Variants in WDR72 observed in about 807,000 individuals in gnomAD.
WDR72 encodes WD repeat-containing protein 72.
A neutral mutation model predicts 124.2 loss-of-function variants in WDR72; 120 were observed. That is an observed-to-expected ratio of 0.97 (90% CI 0.83 to 1.12). The LOEUF (loss-of-function observed/expected upper bound fraction) is 1.12. WDR72 is among the 50% of genes most tolerant of loss of function. The probability of loss-of-function intolerance (pLI) is 0.00; values close to 1 mark genes in which losing one functional copy is unlikely to be tolerated. For missense variants in WDR72, 1,387 were observed against 1,278.8 expected (o/e 1.08, Z -1.29); for synonymous variants, 452 against 441.7 (o/e 1.02, Z -0.29).
intron 18 of WDR72, among the ~76,000 whole-genome samples, chr15:53,593,260 A>G (rs2012597263): frequency 6.6e-6 from 1 of 152,120 alleles, no homozygotes; most frequent in Admixed American, 6.6e-5. Context: ...ATCACTTAGC[A>G]AATTATTTGA....
In WDR72 at chr15:53,712,838, G is replaced by A. The variant is rs1458478632; in HGVS notation, c.645C>T (p.Cys215=). The change falls in exon 7 of 20, where the codon TGC becomes TGT. Residue 215 remains cysteine, a synonymous_variant. Transcript: ENST00000360509. ...TATATGTGCAAAATCGAATTGTCTGGCAGTTCAAGGACTCAAGAAACTTGG... is the reference window on the plus strand; with the variant it reads ...TATATGTGCAAAATCGAATTGTCTGACAGTTCAAGGACTCAAGAAACTTGG... ...KESKFLESLN[C]QTIRFCTYTE... is the part of the protein sequence containing the mutation. The A allele has an allele frequency of 6.2e-7, 1 of 1,613,722 alleles. No individual in the cohort carries two copies.
chr15:53,755,506 T>G (rs1288243410), intron 1 of WDR72, among the ~76,000 whole-genome samples: 2 of 152,218 alleles, frequency 1.3e-5, no homozygotes, highest in Non-Finnish European at 2.9e-5. Context: ...TTTTGCACAT[T>G]TAAGAAAGAG....
intron 13 of WDR72, among the ~76,000 whole-genome samples, chr15:53,694,653 G>C (rs2016947301): frequency 6.6e-6 from 1 of 152,150 alleles, no homozygotes; most frequent in African/African-American, 2.4e-5. Context: ...GAACACACCA[G>C]AATGGAAGAA....
intron 3 of WDR72, among the ~76,000 whole-genome samples, chr15:53,719,463 T>G (rs146616992): frequency 6.6e-6 from 1 of 152,324 alleles, no homozygotes; most frequent in South Asian, 2.1e-4. Flanking sequence ...ACTTCAGCTC[T>G]ATATTTCTAT....
intron 14 of WDR72, among the ~76,000 whole-genome samples, chr15:53,639,078 T>C (rs77814610): frequency 0.014 from 2,157 of 152,278 alleles, 47 homozygotes; most frequent in African/African-American, 0.049. Context: ...TTTCTTGTAA[T>C]GGCAACATTC....
intron 13 of WDR72, among the ~76,000 whole-genome samples, chr15:53,671,026 T>G (rs1446382629): frequency 1.3e-5 from 2 of 152,194 alleles, no homozygotes; most frequent in South Asian, 4.1e-4. Context: ...ATATTTGACT[T>G]ATTTTTTAAT....
At chr15:53,741,285 A>T (rs2018501958) in intron 1 of WDR72, among the ~76,000 whole-genome samples, 2 of 152,228 alleles carry the variant, frequency 1.3e-5, no homozygotes, top group Admixed American at 1.3e-4. Context: ...CACAGGTTAA[A>T]AACCTTTATA....
At chr15:53,555,319 G>A (rs964177374) in intron 18 of WDR72, among the ~76,000 whole-genome samples, 18 of 151,966 alleles carry the variant, frequency 1.2e-4, no homozygotes, top group Non-Finnish European at 2.1e-4. Context: ...GCGGACCCAC[G>A]AAAGACTTCA....
intron 18 of WDR72, among the ~76,000 whole-genome samples, chr15:53,595,254 T>C (rs2012716972): frequency 6.6e-6 from 1 of 151,776 alleles, no homozygotes; most frequent in Non-Finnish European, 1.5e-5. Context: ...CCAAATGTCT[T>C]TAGTCATAGT....
intron 13 of WDR72, among the ~76,000 whole-genome samples, chr15:53,691,669 AGATAG>A (rs2016849362): frequency 2.7e-5 from 3 of 110,688 alleles, no homozygotes; most frequent in Non-Finnish European, 3.9e-5. Context: ...ATAGATAGAT[AGATAG>A]ATGTTTAACA....
intron 4 of WDR72, among the ~76,000 whole-genome samples, chr15:53,716,299 A>T (rs563201768): frequency 6.6e-6 from 1 of 152,340 alleles, no homozygotes; most frequent in South Asian, 2.1e-4. Context: ...ATTAAAACTG[A>T]ATTTTTACAC....
chr15:53,643,153 A>G (rs1387258456), intron 14 of WDR72, among the ~76,000 whole-genome samples: 1 of 152,130 alleles, frequency 6.6e-6, no homozygotes, highest in Non-Finnish European at 1.5e-5. Flanking sequence ...TCCAGTGCTA[A>G]AATTATTTCA....
chr15:53,573,198 T>C (rs1258368182), intron 18 of WDR72, among the ~76,000 whole-genome samples: 1 of 152,222 alleles, frequency 6.6e-6, no homozygotes, highest in African/African-American at 2.4e-5. Context: ...TTTGTCCAAA[T>C]GACCTCCCTA....
intron 14 of WDR72, among the ~76,000 whole-genome samples, chr15:53,623,498 C>T (rs571505198): frequency 7.1e-4 from 103 of 145,142 alleles, no homozygotes; most frequent in African/African-American, 2.6e-3. Context: ...TATATATACA[C>T]ACATACACAT....
chr15:53,540,479 T>C (rs558014184), intron 18 of WDR72, among the ~76,000 whole-genome samples: 1 of 148,650 alleles, frequency 6.7e-6, no homozygotes, highest in South Asian at 2.1e-4. Context: ...ACTAAATAAT[T>C]CAGCTCAAAA....
intron 18 of WDR72, among the ~76,000 whole-genome samples, chr15:53,559,527 G>T (rs1894056120): frequency 6.6e-6 from 1 of 152,006 alleles, no homozygotes; most frequent in Non-Finnish European, 1.5e-5. Flanking sequence ...TTCAAAGTGA[G>T]AAGTTATTCA....
chr15:53,600,639 C>G (rs2013002920), intron 17 of WDR72, among the ~76,000 whole-genome samples: 1 of 152,150 alleles, frequency 6.6e-6, no homozygotes, highest in Non-Finnish European at 1.5e-5. Flanking sequence ...CATAGAGCAT[C>G]ATGAAGATGC....
intron 14 of WDR72, among the ~76,000 whole-genome samples, chr15:53,648,957 T>C (rs74654625): frequency 0.031 from 4,657 of 149,272 alleles, 93 homozygotes; most frequent in Non-Finnish European, 0.037. Flanking sequence ...GGCTCCCAAA[T>C]TGAGCAAAAC....
intron 13 of WDR72, among the ~76,000 whole-genome samples, chr15:53,686,263 G>A (rs1002868712): frequency 1.3e-4 from 20 of 151,978 alleles, no homozygotes; most frequent in Admixed American, 3.3e-4. Context: ...GACACAGACT[G>A]GCAAATTGGA....
Sources: gnomAD v4.1 joint callset for allele counts (sites outside exome capture counted in the v4.1 genomes callset) on GRCh38, gnomAD v4.1.1 for gene constraint, MANE v1.5 for transcripts, NCBI Gene and HGNC (gene_info 2026-07-23, HGNC 2026-07-21) for gene names.